The following ETHE1 variants were observed in gnomAD, a reference collection of about 807,000 sequenced individuals.
The protein encoded by ETHE1 is ETHE1 persulfide dioxygenase, also known as persulfide dioxygenase ETHE1, mitochondrial.
Under a neutral mutation model 25.7 loss-of-function variants are expected in ETHE1, and 16 were observed. That is an observed-to-expected ratio of 0.62 (90% CI 0.42 to 0.95). The LOEUF (loss-of-function observed/expected upper bound fraction) is 0.95, where lower values mean the gene tolerates loss of function less well. Among genes scored for constraint, ETHE1 ranks in the 40% least tolerant of loss-of-function variants. The pLI, the probability that ETHE1 is intolerant of heterozygous loss-of-function variation, is 0.00. For synonymous variants in ETHE1, 139 were observed against 135.9 expected (o/e 1.02, Z -0.16); for missense variants, 300 against 333.6 (o/e 0.90, Z 0.79).
chr19:43,515,333 C>T (rs1971997672), intron 3 of ETHE1, among the ~76,000 whole-genome samples: 1 of 150,100 alleles, frequency 6.7e-6, no homozygotes, highest in African/African-American at 2.5e-5. Flanking sequence ...AGGAGAATTG[C>T]TTTAACCCGG....
Position 43,506,861 on chromosome 19 carries a change from G to C in ETHE1, c.754C>G (p.Pro252Ala), listed in dbSNP as rs1422719109. The C allele has an allele frequency of 6.2e-7, 1 of 1,613,606 alleles. No individual in the cohort carries two copies. The highest frequency in any genetic ancestry group is 1.3e-5 in the African/African-American group (1 of 74,900). The change falls in exon 7 of 7, where the codon CCC becomes GCC. Residue 252 changes from proline to alanine, a missense_variant. By Grantham distance (27) the Pro-to-Ala change is conservative. Transcript: ENST00000292147. Reference protein sequence around the residue: ...PANMRCGVQTPTA With the variant: ...PANMRCGVQTATA ...TGACAGAAGTGAGATCAGGCAGTGGGTGTCTGCACCCCACAGCGCATGTTG... is the reference window on the plus strand; with the variant it reads ...TGACAGAAGTGAGATCAGGCAGTGGCTGTCTGCACCCCACAGCGCATGTTG...
At position 43,527,187 on chromosome 19, in the gene ETHE1, T is replaced by C. The variant is rs1412277886; in HGVS notation, c.-10A>G. 2 of 1,536,392 alleles carry C rather than the reference T, an allele frequency of 1.3e-6. No homozygotes were observed. Among genetic ancestry groups the C allele is most frequent in the Admixed American group, 3.9e-5 (2 of 50,994 alleles). On this transcript the variant is annotated 5_prime_UTR_variant, in exon 1 of 7. Coordinates refer to ENST00000292147, the MANE Select transcript of ETHE1 (RefSeq NM_014297.5). ...GTACAGCCTCCGCCATCGCGCCCAC[T>C]GCGGGGTCAGGAATGAGCGGAGGCC... is the stretch of plus-strand genomic sequence containing the variant.
intron 3 of ETHE1, among the ~76,000 whole-genome samples, chr19:43,524,749 AG>A (rs1360467804): frequency 2.6e-5 from 4 of 152,032 alleles, no homozygotes; most frequent in African/African-American, 9.7e-5. Context: ...GGCTGCAGTA[AG>A]CTATGATCCC....
intron 3 of ETHE1, among the ~76,000 whole-genome samples, chr19:43,512,040 A>G (rs986610284): frequency 3.9e-5 from 6 of 152,148 alleles, no homozygotes; most frequent in African/African-American, 1.4e-4. Context: ...GCCATGTAAG[A>G]CAGGTCTTTG....
intron 3 of ETHE1, among the ~76,000 whole-genome samples, chr19:43,521,833 T>A (rs1972144194): frequency 6.6e-6 from 1 of 152,166 alleles, no homozygotes; most frequent in East Asian, 1.9e-4. Context: ...TCCTTAGAAT[T>A]CATGACAATG....
intron 6 of ETHE1, among the ~76,000 whole-genome samples, chr19:43,507,113 C>A (rs1452787820): frequency 7.2e-6 from 1 of 137,994 alleles, no homozygotes; most frequent in African/African-American, 2.8e-5. Flanking sequence ...TTCCCTCAGA[C>A]CCAGGAGCCC....
chr19:43,523,692 TG>T (rs1972181470), intron 3 of ETHE1, among the ~76,000 whole-genome samples: 1 of 151,788 alleles, frequency 6.6e-6, no homozygotes, highest in Non-Finnish European at 1.5e-5. Flanking sequence ...CCCAGCACTT[TG>T]GGGAGGTCAA....
intron 3 of ETHE1, among the ~76,000 whole-genome samples, 156 bp from the exon 4 acceptor site, chr19:43,511,722 C>T (rs571913916): frequency 6.6e-6 from 1 of 152,278 alleles, no homozygotes; most frequent in South Asian, 2.1e-4. Context: ...TCAGAGTAAA[C>T]TCCAAGTGGA....
Position 43,526,227 on chromosome 19 carries a change from C to T in ETHE1, c.349G>A (p.Gly117Arg). 1 of 1,614,166 alleles carries T rather than the reference C, an allele frequency of 6.2e-7. No individual in the cohort carries two copies. Among genetic ancestry groups the T allele is most frequent in the Non-Finnish European group, 8.5e-7 (1 of 1,180,036 alleles). The stretch of plus-strand genomic sequence containing the variant: ...AAGCGCCCGAAGCGGATGGAGTCTC[C>T]ATCCTCAATGTGTAAGTCAGCCTGG... Reference protein sequence around the residue: ...GAQADLHIEDGDSIRFGRFAL... With the variant: ...GAQADLHIEDRDSIRFGRFAL... The change falls in exon 3 of 7, where the codon GGA becomes AGA. Residue 117 changes from glycine to arginine, a missense_variant. Transcript: ENST00000292147.
At chr19:43,527,026 G>A in intron 1 of ETHE1, 71 bp downstream of exon 1, 1 of 1,539,884 alleles carries the variant, frequency 6.5e-7, no homozygotes, top group Non-Finnish European at 8.7e-7. Flanking sequence ...TCCCTATTAA[G>A]AGACCCCGGA....
intron 3 of ETHE1, among the ~76,000 whole-genome samples, chr19:43,521,836 T>C (rs1972144317): frequency 6.6e-6 from 1 of 152,216 alleles, no homozygotes; most frequent in African/African-American, 2.4e-5. Context: ...TTAGAATTCA[T>C]GACAATGTTC....
chr19:43,508,689 G>T, intron 5 of ETHE1, 86 bp downstream of exon 5: 1 of 1,133,256 alleles, frequency 8.8e-7, no homozygotes, highest in Non-Finnish European at 1.3e-6. Context: ...GAGACTGGTC[G>T]TCTTCATGCC....
chr19:43,506,798 T>A lies in ETHE1; in HGVS notation c.*52A>T. On this transcript the variant is annotated 3_prime_UTR_variant, in exon 7 of 7. Transcript: ENST00000292147. ...GAGGTGCAGTGTCATTGCCGCCCTC[T>A]CCTCCCACCTAGTGCATTAATAGTG... The A allele has an allele frequency of 1.3e-6, 2 of 1,540,508 alleles. No homozygotes were observed. The highest frequency in any genetic ancestry group is 1.8e-6 in the Non-Finnish European group (2 of 1,114,818).
intron 3 of ETHE1, among the ~76,000 whole-genome samples, chr19:43,519,225 T>C (rs1011441582): frequency 1.3e-5 from 2 of 151,960 alleles, no homozygotes; most frequent in Non-Finnish European, 2.9e-5. Flanking sequence ...TTGGCCAGGC[T>C]GATCTCAAAC....
intron 3 of ETHE1, among the ~76,000 whole-genome samples, chr19:43,519,625 A>G (rs1332919330): frequency 6.6e-6 from 1 of 152,172 alleles, no homozygotes; most frequent in Non-Finnish European, 1.5e-5. Flanking sequence ...GGAATCCTGT[A>G]AAGCATTCAG....
intron 5 of ETHE1, 61 bp from the exon 6 acceptor site, chr19:43,508,121 T>C: frequency 6.2e-7 from 1 of 1,603,344 alleles, no homozygotes; most frequent in Non-Finnish European, 8.5e-7. Flanking sequence ...CTCTCAGAAC[T>C]ACATTCCCCA....
At chr19:43,514,725 C>T (rs1971986700) in intron 3 of ETHE1, among the ~76,000 whole-genome samples, 2 of 152,104 alleles carry the variant, frequency 1.3e-5, no homozygotes, top group South Asian at 2.1e-4. Flanking sequence ...ACCACGTGAT[C>T]CACCTGCCTT....
chr19:43,522,487 T>A (rs1348695132), intron 3 of ETHE1, among the ~76,000 whole-genome samples: 1 of 152,130 alleles, frequency 6.6e-6, no homozygotes, highest in Non-Finnish European at 1.5e-5. Flanking sequence ...ATTTATTTAT[T>A]TTTTTTGAAA....
intron 3 of ETHE1, among the ~76,000 whole-genome samples, chr19:43,513,786 A>G (rs1244790926): frequency 6.6e-6 from 1 of 151,406 alleles, no homozygotes; most frequent in African/African-American, 2.4e-5. Context: ...GAGTGGTGCA[A>G]TCTTGGCTCA....
Sources: gnomAD v4.1 joint callset for allele counts (sites outside exome capture counted in the v4.1 genomes callset) on GRCh38, gnomAD v4.1.1 for gene constraint, MANE v1.5 for transcripts, NCBI Gene and HGNC (gene_info 2026-07-23, HGNC 2026-07-21) for gene names.